The following PRKN variants were observed in gnomAD, a reference collection of about 807,000 sequenced individuals.
PRKN encodes the protein E3 ubiquitin-protein ligase parkin.
PRKN carries 56 observed loss-of-function variants against 59.5 expected under a neutral mutation model. The ratio of observed to expected loss-of-function variants is 0.94; its 90% CI spans 0.76 to 1.18. The LOEUF (loss-of-function observed/expected upper bound fraction) is 1.18, where lower values mean the gene tolerates loss of function less well. Among genes scored for constraint, PRKN ranks in the 50% most tolerant of loss-of-function variants. The probability of loss-of-function intolerance (pLI) is 0.00; values close to 1 mark genes in which losing one functional copy is unlikely to be tolerated. For synonymous variants in PRKN, 250 were observed against 222.1 expected, an observed-to-expected ratio of 1.13 and a Z score of -1.12; for missense variants, 657 against 596.4, an observed-to-expected ratio of 1.10 and a Z score of -1.06.
At chr6:161,641,226 G>A (rs1071890) in intron 7 of PRKN, among the ~76,000 whole-genome samples, 107,227 of 152,222 alleles carry the variant, frequency 0.7, 39,069 homozygotes, top group African/African-American at 0.86. Context: ...TAGCTACAAG[G>A]TTAGAAATGA....
intron 2 of PRKN, among the ~76,000 whole-genome samples, chr6:162,413,891 G>T (rs1788476146): frequency 6.6e-6 from 1 of 152,144 alleles, no homozygotes; most frequent in Non-Finnish European, 1.5e-5. Context: ...ACTCAAGATT[G>T]CAGATACAGG....
At chr6:162,227,004 G>A (rs62429391) in intron 3 of PRKN, among the ~76,000 whole-genome samples, 4,415 of 152,272 alleles carry the variant, frequency 0.029, 105 homozygotes, top group Non-Finnish European at 0.043. Flanking sequence ...GCTGACAGCC[G>A]GCTGGCTGCC....
In PRKN at chr6:161,447,458, T is replaced by C. The variant is rs1174201771; in HGVS notation, c.1084-60581A>G. 6.6e-6 allele frequency among the ~76,000 whole-genome samples: 1 copy of C among 152,222 alleles called. No individual in the cohort carries two copies. The highest frequency in any genetic ancestry group is 1.9e-4 in the East Asian group (1 of 5,204). On this transcript the variant is annotated intron_variant, in intron 9 of 11. Coordinates refer to ENST00000366898, the MANE Select transcript of PRKN (RefSeq NM_004562.3). This position sits in a 1 kb window ranked among gnomAD's most constrained non-coding sequence, Gnocchi z 4.1. The stretch of plus-strand genomic sequence containing the variant: ...AAAGGCCCCCTGTAAAGAAGACAAG[T>C]TGGAGAATAATCTCCCATATTCCTC...
At chr6:161,762,440 G>C (rs1789240456) in intron 7 of PRKN, among the ~76,000 whole-genome samples, 1 of 152,160 alleles carries the variant, frequency 6.6e-6, no homozygotes, top group Non-Finnish European at 1.5e-5. Flanking sequence ...TTTTAATGCA[G>C]AAGTTACTTT....
intron 2 of PRKN, among the ~76,000 whole-genome samples, chr6:162,430,588 T>C (rs1394171128): frequency 6.6e-6 from 1 of 151,878 alleles, no homozygotes; most frequent in Non-Finnish European, 1.5e-5. Context: ...GGCTTACATA[T>C]ATATATATAT....
intron 1 of PRKN, among the ~76,000 whole-genome samples, chr6:162,542,859 C>T (rs66962088): frequency 0.094 from 14,287 of 152,120 alleles, 773 homozygotes; most frequent in Middle Eastern, 0.18. Flanking sequence ...AGGGTCATCT[C>T]GGTTGGGCTT....
At chr6:162,719,821 G>C (rs928182215) in intron 1 of PRKN, among the ~76,000 whole-genome samples, 6 of 151,308 alleles carry the variant, frequency 4.0e-5, no homozygotes, top group Non-Finnish European at 8.8e-5. Context: ...TTAAATTCCA[G>C]CTTCTGAGAA....
intron 1 of PRKN, among the ~76,000 whole-genome samples, chr6:162,516,053 A>G (rs992404073): frequency 3.9e-5 from 6 of 152,210 alleles, no homozygotes; most frequent in African/African-American, 1.4e-4. Flanking sequence ...GCGCTAATGC[A>G]GCGATTGCTG....
intron 2 of PRKN, among the ~76,000 whole-genome samples, chr6:162,437,316 TTTCAA>T (rs1789825379): frequency 6.6e-6 from 1 of 152,144 alleles, no homozygotes; most frequent in African/African-American, 2.4e-5. Flanking sequence ...AAAGTGATAG[TTTCAA>T]TTCCTCTGTG....
chr6:162,535,406 ATGTACAT>A (rs2128198084), intron 1 of PRKN, among the ~76,000 whole-genome samples: 1 of 152,200 alleles, frequency 6.6e-6, no homozygotes, highest in East Asian at 1.9e-4. Context: ...ATGCATATAT[ATGTACAT>A]ATATACCTGA....
Position 161,405,686 on chromosome 6 carries a change from T to G in PRKN, c.1084-18809A>C, listed in dbSNP as rs1463680267. Among the ~76,000 whole-genome samples the G allele has an allele frequency of 6.6e-6, 1 of 151,872 alleles. No homozygotes were observed. On this transcript the variant is annotated intron_variant, in intron 9 of 11. Transcript: ENST00000366898. This position sits in a 1 kb window ranked among gnomAD's most constrained non-coding sequence, Gnocchi z 5.1. ...CCATAATCAGCATTTTGGGCCAGCT[T>G]CCAGGAGAAAGGGAAGGGAAACTGA... is the stretch of plus-strand genomic sequence containing the variant.
intron 2 of PRKN, among the ~76,000 whole-genome samples, chr6:162,419,903 T>A (rs2128158960): frequency 6.6e-6 from 1 of 152,188 alleles, no homozygotes; most frequent in Admixed American, 6.5e-5. Flanking sequence ...TCCTCCCTCC[T>A]GATTTGGGAA....
chr6:161,895,616 C>CA (rs1428723846), intron 6 of PRKN, among the ~76,000 whole-genome samples: 2 of 118,340 alleles, frequency 1.7e-5, no homozygotes, highest in Admixed American at 8.4e-5. Context: ...ACGCCCACCC[C>CA]ACCTGCTGTT....
rs369520306 is a variant in PRKN, at chr6:162,439,202, T to C, written c.171+4108A>G. ...GTTGCATTTGGCTGGAGTAGACTGG[T>C]TATTGTCTAAATGTTTTCTATGTTG... is the stretch of plus-strand genomic sequence containing the variant. On this transcript the variant is annotated intron_variant, in intron 2 of 11. Transcript: ENST00000366898. Among the ~76,000 whole-genome samples, 4 of 152,202 alleles carry C rather than the reference T, an allele frequency of 2.6e-5. No individual in the cohort carries two copies. The South Asian group carries it at 8.3e-4, about 32-fold the overall frequency.
rs2114983079 is a variant in PRKN at position 161,402,378 on chromosome 6, A to C, written c.1084-15501T>G. On this transcript the variant is annotated intron_variant, in intron 9 of 11. Coordinates refer to ENST00000366898, the MANE Select transcript of PRKN (RefSeq NM_004562.3). This position sits in a 1 kb window ranked among gnomAD's most constrained non-coding sequence, Gnocchi z 4.5. ...ACATAGAAAGCAAACTAATTAAATG[A>C]CAGCTAAAGAGCAAGTGACTGTGTC... 6.6e-6 allele frequency among the ~76,000 whole-genome samples: 1 copy of C among 152,340 alleles called. No homozygotes were observed. Among genetic ancestry groups the C allele is most frequent in the African/African-American group, 2.4e-5 (1 of 41,570 alleles).
intron 7 of PRKN, among the ~76,000 whole-genome samples, chr6:161,750,844 C>T (rs560520944): frequency 3.3e-5 from 5 of 151,176 alleles, no homozygotes; most frequent in African/African-American, 1.2e-4. Flanking sequence ...TCTGGTATGA[C>T]CATCATAGAG....
In PRKN at chr6:161,581,047, C is replaced by CACACACAG. The variant is rs1262706975; in HGVS notation, c.872-11632_872-11631insCTGTGTGT. Among the ~76,000 whole-genome samples, 5 of 150,076 alleles carry CACACACAG rather than the reference C, an allele frequency of 3.3e-5. No individual in the cohort carries two copies. The highest frequency in any genetic ancestry group is 7.4e-5 in the Non-Finnish European group (5 of 67,592). ...TGAAATCCTGTCTCTACTAAACACA[C>CACACACAG]ACACACACACACACACACACACACA... On this transcript the variant is annotated intron_variant, in intron 7 of 11. Coordinates refer to ENST00000366898, the MANE Select transcript of PRKN (RefSeq NM_004562.3). The surrounding 1 kb of genome is among the most constrained non-coding windows in gnomAD (Gnocchi z 4.5).
chr6:161,950,032 C>T (rs903851246), intron 6 of PRKN, among the ~76,000 whole-genome samples: 1 of 152,212 alleles, frequency 6.6e-6, no homozygotes, highest in African/African-American at 2.4e-5. Flanking sequence ...TGCCAAGGTC[C>T]TGTGCTGTTT....
At chr6:161,866,758 C>T (rs75090361) in intron 6 of PRKN, among the ~76,000 whole-genome samples, 4,231 of 152,102 alleles carry the variant, frequency 0.028, 208 homozygotes, top group African/African-American at 0.097. Context: ...ACCAGGTGTG[C>T]CTGGACAATT....
Sources: allele counts gnomAD v4.1 joint callset (sites outside exome capture counted in the v4.1 genomes callset), GRCh38; gene constraint gnomAD v4.1.1; non-coding constraint Gnocchi (gnomAD v3.1); transcripts MANE v1.5; gene names NCBI Gene and HGNC (gene_info 2026-07-23, HGNC 2026-07-21).